The following GRID2 variants were observed in gnomAD, a reference collection of about 807,000 sequenced individuals.
GRID2 encodes the protein glutamate receptor ionotropic, delta-2.
Under a neutral mutation model 114.8 loss-of-function variants are expected in GRID2, and 33 were observed. That is an observed-to-expected ratio of 0.29 (90% CI 0.22 to 0.38). The LOEUF is 0.38. Ranked by LOEUF, GRID2 falls within the 10% of genes least tolerant of loss-of-function variation. The pLI is 1.00. For missense variants in GRID2, 1,184 were observed against 1,257.7 expected (o/e 0.94, Z 0.89); for synonymous variants, 505 against 449.9 (o/e 1.12, Z -1.55).
At chr4:93,597,397 A>G (rs2149631982) in intron 13 of GRID2, among the ~76,000 whole-genome samples, 1 of 152,342 alleles carries the variant, frequency 6.6e-6, no homozygotes, top group African/African-American at 2.4e-5. Context: ...AATGTTTTAC[A>G]GTCTTCTAGT....
intron 8 of GRID2, among the ~76,000 whole-genome samples, chr4:93,299,945 C>T (rs1424804557): frequency 6.6e-6 from 1 of 152,114 alleles, no homozygotes; most frequent in Non-Finnish European, 1.5e-5. Flanking sequence ...GTTTCTAGGA[C>T]CTCTGCAAAT....
At chr4:92,898,291 A>G in intron 2 of GRID2, among the ~76,000 whole-genome samples, 1 of 152,270 alleles carries the variant, frequency 6.6e-6, no homozygotes, top group Non-Finnish European at 1.5e-5. Flanking sequence ...GTTGCCAGAA[A>G]AACAAAGAAA....
intron 1 of GRID2, among the ~76,000 whole-genome samples, chr4:92,318,308 ATTTT>A (rs201137595): frequency 1.5e-5 from 2 of 130,882 alleles, no homozygotes; most frequent in Non-Finnish European, 3.1e-5. Flanking sequence ...ATATATATAT[ATTTT>A]TTTTTTTTTT....
At chr4:93,355,670 A>C (rs1579796652) in intron 8 of GRID2, among the ~76,000 whole-genome samples, 1 of 152,052 alleles carries the variant, frequency 6.6e-6, no homozygotes, top group Non-Finnish European at 1.5e-5. Context: ...ATGTGTGGCC[A>C]CCTTTAGTCC....
intron 2 of GRID2, among the ~76,000 whole-genome samples, chr4:92,805,867 G>T (rs1740386468): frequency 6.6e-6 from 1 of 151,150 alleles, no homozygotes; most frequent in Admixed American, 6.6e-5. Flanking sequence ...TATTTTTTTT[G>T]AGCTCTTTTT....
chr4:92,483,295 G>C (rs546695761), intron 1 of GRID2, among the ~76,000 whole-genome samples: 2 of 152,148 alleles, frequency 1.3e-5, no homozygotes, highest in African/African-American at 4.8e-5. Context: ...CCAAGGTCGT[G>C]CCACTGCACT....
intron 14 of GRID2, among the ~76,000 whole-genome samples, chr4:93,659,254 C>A (rs1467460153): frequency 6.6e-6 from 1 of 152,064 alleles, no homozygotes; most frequent in Non-Finnish European, 1.5e-5. Context: ...AGGTGATTCC[C>A]AGAATTAATT....
At chr4:93,758,573 G>A (rs1732953389) in intron 14 of GRID2, among the ~76,000 whole-genome samples, 2 of 152,152 alleles carry the variant, frequency 1.3e-5, no homozygotes, top group African/African-American at 4.8e-5. Flanking sequence ...TCTTCAAAAA[G>A]TATCCTTCTT....
intron 2 of GRID2, among the ~76,000 whole-genome samples, chr4:92,638,673 G>A (rs2149251554): frequency 1.3e-5 from 2 of 150,020 alleles, no homozygotes; most frequent in African/African-American, 4.9e-5. Flanking sequence ...ATTGAAATAT[G>A]TAATATAAGG....
intron 14 of GRID2, among the ~76,000 whole-genome samples, chr4:93,681,950 A>C (rs1725594926): frequency 2.0e-5 from 3 of 151,232 alleles, no homozygotes; most frequent in Admixed American, 1.3e-4. Context: ...TAAACTAAAG[A>C]GCTTCTGCAC....
chr4:92,892,772 T>C (rs189059341), intron 2 of GRID2, among the ~76,000 whole-genome samples: 1 of 152,290 alleles, frequency 6.6e-6, no homozygotes, highest in East Asian at 1.9e-4. Flanking sequence ...AATGATAAAA[T>C]AGTATGTGGT....
At chr4:92,838,288 A>G (rs1343552462) in intron 2 of GRID2, among the ~76,000 whole-genome samples, 1 of 152,082 alleles carries the variant, frequency 6.6e-6, no homozygotes, top group Non-Finnish European at 1.5e-5. Flanking sequence ...ACCATGTGTG[A>G]CATGTGAATT....
At chr4:92,946,901 G>T (rs1218386272) in intron 2 of GRID2, among the ~76,000 whole-genome samples, 17 of 152,132 alleles carry the variant, frequency 1.1e-4, no homozygotes, top group Non-Finnish European at 1.5e-5. Context: ...TGATCTGAGA[G>T]CTGTAGTATT....
intron 13 of GRID2, among the ~76,000 whole-genome samples, chr4:93,533,589 C>T (rs1312121624): frequency 3.5e-5 from 5 of 141,992 alleles, no homozygotes; most frequent in African/African-American, 1.3e-4. Flanking sequence ...GGGGTTTCAC[C>T]AGGTTGGCCA....
intron 5 of GRID2, among the ~76,000 whole-genome samples, chr4:93,211,605 C>G (rs1391312709): frequency 6.6e-6 from 1 of 152,096 alleles, no homozygotes; most frequent in Admixed American, 6.6e-5. Flanking sequence ...TGTGAATTGT[C>G]TAATAAAACT....
At chr4:92,769,704 C>T (rs892844624) in intron 2 of GRID2, among the ~76,000 whole-genome samples, 3 of 152,152 alleles carry the variant, frequency 2.0e-5, no homozygotes, top group African/African-American at 7.2e-5. Context: ...GGGCTTGCAC[C>T]CTCTAAAGCC....
At chr4:92,804,162 C>G (rs948047059) in intron 2 of GRID2, among the ~76,000 whole-genome samples, 1 of 152,010 alleles carries the variant, frequency 6.6e-6, no homozygotes, top group Non-Finnish European at 1.5e-5. Context: ...AACGACTTTA[C>G]CTTAACTTGA....
intron 1 of GRID2, among the ~76,000 whole-genome samples, chr4:92,582,173 T>C (rs1258480841): frequency 6.6e-6 from 1 of 151,932 alleles, no homozygotes; most frequent in East Asian, 1.9e-4. Context: ...TTCCTTAATA[T>C]ATAAAGTCAA....
In GRID2 at chr4:93,459,285, T is replaced by A. The variant is rs139325894; in HGVS notation, c.1858+3311T>A. 3.2e-3 allele frequency among the ~76,000 whole-genome samples: 490 copies of A among 151,562 alleles called. 2 individuals carry two copies. Among genetic ancestry groups the A allele is most frequent in the African/African-American group, 0.011 (465 of 41,308 alleles). ...GAGTGAAAACATAATTATAAATGAGTTTGGAGTCTGTATTTATAAAATAGG... is the reference window on the plus strand; with the variant it reads ...GAGTGAAAACATAATTATAAATGAGATTGGAGTCTGTATTTATAAAATAGG... On this transcript the variant is annotated intron_variant, in intron 11 of 15. Coordinates refer to ENST00000282020, the MANE Select transcript of GRID2 (RefSeq NM_001510.4).
Sources: gnomAD v4.1 joint callset for allele counts (sites outside exome capture counted in the v4.1 genomes callset) on GRCh38, gnomAD v4.1.1 for gene constraint, MANE v1.5 for transcripts, NCBI Gene and HGNC (gene_info 2026-07-23, HGNC 2026-07-21) for gene names.